Variants in OR2L13 observed in about 807,000 individuals in gnomAD.
OR2L13 encodes olfactory receptor 2L13.
A neutral mutation model predicts 15.3 loss-of-function variants in OR2L13; 14 were observed. The ratio of observed to expected loss-of-function variants is 0.91; its 90% confidence interval spans 0.60 to 1.43. The LOEUF is 1.43. Among genes scored for constraint, OR2L13 ranks in the 40% most tolerant of loss-of-function variants. OR2L13 has a pLI of 0.00. For synonymous variants in OR2L13, 152 were observed against 142.9 expected, an observed-to-expected ratio of 1.06 and a Z score of -0.45; for missense variants, 367 against 387.9, an observed-to-expected ratio of 0.95 and a Z score of 0.45.
At chr1:248,047,568 C>T in the OR2L13 span, among the ~76,000 whole-genome samples, 3 of 152,260 alleles carry the variant, frequency 2.0e-5, no homozygotes, top group South Asian at 2.1e-4. Context: ...TTTGTTTTTA[C>T]ACGCAACTTG....
At chr1:247,961,896 C>T in the OR2L13 span, among the ~76,000 whole-genome samples, 3 of 152,148 alleles carry the variant, frequency 2.0e-5, no homozygotes, top group Non-Finnish European at 1.5e-5. Context: ...ATGTATGAGC[C>T]ACCCGATTTT....
chr1:248,095,582 T>C (rs1397915542), upstream of OR2L13, among the ~76,000 whole-genome samples: 3 of 149,040 alleles, frequency 2.0e-5, no homozygotes, highest in South Asian at 4.3e-4. Context: ...TGTTTGCAGA[T>C]TATGATGTCA....
the OR2L13 span, chr1:247,990,312 T>C: frequency 3.3e-6 from 4 of 1,194,190 alleles, no homozygotes; most frequent in Non-Finnish European, 3.7e-6. Flanking sequence ...CTTGTTGGGA[T>C]TGTCGCCACC....
At chr1:248,099,605 T>C in exon 3 of OR2L13, 1 of 1,614,062 alleles carries the variant, frequency 6.2e-7, no homozygotes, top group Non-Finnish European at 8.5e-7. Context: ...TCCACCACCG[T>C]CCCCAAGATG....
At chr1:247,979,143 A>G in the OR2L13 span, among the ~76,000 whole-genome samples, 1 of 152,118 alleles carries the variant, frequency 6.6e-6, no homozygotes, top group African/African-American at 2.4e-5. Flanking sequence ...ACAGTGTACA[A>G]TGTGCACTAA....
chr1:248,044,776 GTCCGA>G, the OR2L13 span, among the ~76,000 whole-genome samples: 2 of 69,236 alleles, frequency 2.9e-5, no homozygotes, highest in Non-Finnish European at 4.3e-5. Context: ...GCAGTCCGCA[GTCCGA>G]CCTGGGCGAC....
the OR2L13 span, among the ~76,000 whole-genome samples, chr1:247,951,856 G>A: frequency 6.6e-6 from 1 of 152,174 alleles, no homozygotes; most frequent in East Asian, 1.9e-4. Context: ...GGGACACTTG[G>A]ACCCTACTGC....
chr1:248,077,317 T>C, the OR2L13 span, among the ~76,000 whole-genome samples: 1 of 152,290 alleles, frequency 6.6e-6, no homozygotes, highest in Non-Finnish European at 1.5e-5. Flanking sequence ...TTTTGTTGTG[T>C]CTCTGCCAGG....
At chr1:248,003,840 A>G in the OR2L13 span, 1 of 1,613,412 alleles carries the variant, frequency 6.2e-7, no homozygotes, top group South Asian at 1.1e-5. Flanking sequence ...AAGAAGGCCT[A>G]CCTGACCTGC....
chr1:247,968,594 G>A, the OR2L13 span, among the ~76,000 whole-genome samples: 1 of 150,518 alleles, frequency 6.6e-6, no homozygotes, highest in Non-Finnish European at 1.5e-5. Flanking sequence ...AACATATGGT[G>A]TTTGGTTTTC....
the OR2L13 span, among the ~76,000 whole-genome samples, chr1:248,027,726 T>C: frequency 6.6e-6 from 1 of 152,254 alleles, no homozygotes; most frequent in Non-Finnish European, 1.5e-5. Flanking sequence ...GAATGGTGAT[T>C]ACTCAAAGTT....
chr1:247,977,582 T>A, the OR2L13 span, among the ~76,000 whole-genome samples: 5 of 152,148 alleles, frequency 3.3e-5, no homozygotes, highest in Non-Finnish European at 5.9e-5. Context: ...ATTGCTGGGT[T>A]TTTAGCCAAA....
At chr1:248,061,308 C>T in the OR2L13 span, 4 of 1,613,304 alleles carry the variant, frequency 2.5e-6, no homozygotes, top group Non-Finnish European at 3.4e-6. Flanking sequence ...TCGTGTTTCC[C>T]TTCATTGCTA....
chr1:247,991,944 C>A, the OR2L13 span, among the ~76,000 whole-genome samples: 397 of 149,578 alleles, frequency 2.7e-3, 34 homozygotes, highest in African/African-American at 8.7e-3. Context: ...GTAGAATGAG[C>A]AAATGAGAAA....
chr1:248,008,231 C>A, the OR2L13 span, among the ~76,000 whole-genome samples: 5,662 of 152,150 alleles, frequency 0.037, 316 homozygotes, highest in African/African-American at 0.13. Context: ...TTTCCACTAG[C>A]TTTACACCCC....
chr1:247,963,919 A>G, the OR2L13 span, among the ~76,000 whole-genome samples: 82 of 152,230 alleles, frequency 5.4e-4, 1 homozygote, highest in Non-Finnish European at 1.1e-3. Flanking sequence ...TAGGCAAGAT[A>G]ACCACAAGGA....
At chr1:248,019,801 G>C in the OR2L13 span, among the ~76,000 whole-genome samples, 2 of 148,148 alleles carry the variant, frequency 1.3e-5, no homozygotes, top group South Asian at 4.3e-4. Flanking sequence ...TCTTCTTCTT[G>C]TTTGAGACAC....
the OR2L13 span, among the ~76,000 whole-genome samples, chr1:247,983,991 C>T: frequency 1.3e-5 from 2 of 151,984 alleles, no homozygotes. Context: ...TCTTTTCTAC[C>T]CGGTGGTCTG....
chr1:247,965,950 A>T, the OR2L13 span: 20 of 1,608,366 alleles, frequency 1.2e-5, no homozygotes, highest in Non-Finnish European at 1.5e-5. Flanking sequence ...GTGTCAGGAC[A>T]CCTCCCAGTA....
Sources: gnomAD v4.1 joint callset for allele counts (sites outside exome capture counted in the v4.1 genomes callset) on GRCh38, gnomAD v4.1.1 for gene constraint, MANE v1.5 for transcripts, NCBI Gene and HGNC (gene_info 2026-07-23, HGNC 2026-07-21) for gene names.